Variants in TMEM117 observed in about 807,000 individuals in gnomAD.
TMEM117 encodes transmembrane protein 117.
TMEM117 carries 27 observed loss-of-function variants against 52.4 expected under a neutral mutation model. The observed-to-expected ratio is 0.51, with a 90% CI of 0.38 to 0.71. The LOEUF is 0.71. Ranked by LOEUF, TMEM117 falls within the 30% of genes least tolerant of loss-of-function variation. The probability of loss-of-function intolerance (pLI) is 0.00; values close to 1 mark genes in which losing one functional copy is unlikely to be tolerated. For synonymous variants in TMEM117, 215 were observed against 206.3 expected, an observed-to-expected ratio of 1.04 and a Z score of -0.36; for missense variants, 556 against 630.5, an observed-to-expected ratio of 0.88 and a Z score of 1.26.
intron 4 of TMEM117, among the ~76,000 whole-genome samples, chr12:44,170,177 A>G (rs1255089469): frequency 6.6e-6 from 1 of 151,820 alleles, no homozygotes; most frequent in Non-Finnish European, 1.5e-5. Flanking sequence ...CATCATTCTC[A>G]GCAAACTATT....
chr12:44,143,533 T>A lies in TMEM117; in HGVS notation c.419T>A (p.Ile140Asn). 6.2e-7 allele frequency: 1 copy of A among 1,611,750 alleles called. No individual in the cohort carries two copies. The highest frequency in any genetic ancestry group is 8.5e-7 in the Non-Finnish European group (1 of 1,178,226). The stretch of plus-strand genomic sequence containing the variant: ...TGTGTTTGTTTCCACAGAGCATATA[T>A]CATTACAGACTATATGGGCATCCGA... The part of the protein sequence containing the change: ...LLMDGNMGAY[I>N]ITDYMGIRNE... The change falls in exon 4 of 8, where the codon ATC becomes AAC. Residue 140 changes from isoleucine (I) to asparagine (N), a missense_variant. Coordinates refer to ENST00000266534, the MANE Select transcript of TMEM117 (RefSeq NM_032256.3).
At chr12:44,001,015 A>T (rs1257633332) in intron 3 of TMEM117, among the ~76,000 whole-genome samples, 1 of 152,164 alleles carries the variant, frequency 6.6e-6, no homozygotes, top group East Asian at 1.9e-4. Context: ...AGATGGAAGA[A>T]GTGCTAGTTC....
intron 3 of TMEM117, among the ~76,000 whole-genome samples, chr12:44,098,037 T>A (rs1412066766): frequency 1.3e-5 from 2 of 151,926 alleles, no homozygotes; most frequent in Non-Finnish European, 1.5e-5. Context: ...AAGGTCAGCT[T>A]TTGTATAAAA....
chr12:43,811,889 G>T, the TMEM117 span, among the ~76,000 whole-genome samples: 1 of 152,076 alleles, frequency 6.6e-6, no homozygotes, highest in Non-Finnish European at 1.5e-5. Flanking sequence ...AATATGCCTT[G>T]GTTATCAGAT....
the TMEM117 span, chr12:43,806,014 C>G: frequency 6.6e-7 from 1 of 1,524,402 alleles, no homozygotes; most frequent in Non-Finnish European, 8.8e-7. Context: ...TGCAACGTGA[C>G]GGCAGCAGGG....
intron 4 of TMEM117, among the ~76,000 whole-genome samples, chr12:44,145,273 A>AT (rs1226119148): frequency 6.6e-6 from 1 of 152,226 alleles, no homozygotes; most frequent in African/African-American, 2.4e-5. Context: ...GTTTAAAAAA[A>AT]TTTTTTGACA....
At chr12:44,107,833 T>G (rs919020443) in intron 3 of TMEM117, among the ~76,000 whole-genome samples, 5 of 152,134 alleles carry the variant, frequency 3.3e-5, no homozygotes, top group Admixed American at 2.6e-4. Flanking sequence ...TCCACAAAAC[T>G]TTTTGTTTTC....
At chr12:43,930,179 C>T (rs1343965261) in intron 2 of TMEM117, among the ~76,000 whole-genome samples, 1 of 152,028 alleles carries the variant, frequency 6.6e-6, no homozygotes, top group East Asian at 1.9e-4. Flanking sequence ...CTTTGATGTT[C>T]CCTGAATTCT....
the TMEM117 span, among the ~76,000 whole-genome samples, chr12:43,807,653 G>T: frequency 6.6e-6 from 1 of 152,144 alleles, no homozygotes; most frequent in African/African-American, 2.4e-5. Flanking sequence ...AAGTATAGTT[G>T]AGCAAAATAT....
chr12:43,890,692 C>T (rs560994101), intron 2 of TMEM117, among the ~76,000 whole-genome samples: 16 of 152,154 alleles, frequency 1.1e-4, no homozygotes, highest in East Asian at 5.8e-4. Context: ...CCACCACACC[C>T]GGCTAGTTTT....
chr12:44,012,563 G>A (rs1242053678), intron 3 of TMEM117, among the ~76,000 whole-genome samples: 1 of 150,126 alleles, frequency 6.7e-6, no homozygotes, highest in Non-Finnish European at 1.5e-5. Flanking sequence ...TAAAAGTTCC[G>A]ATATTTTTTT....
chr12:44,314,807 T>C (rs185592149), intron 6 of TMEM117, among the ~76,000 whole-genome samples: 1 of 152,258 alleles, frequency 6.6e-6, no homozygotes, highest in Admixed American at 6.5e-5. Context: ...CCTCCTCCAT[T>C]TTTTGAAATA....
the TMEM117 span, among the ~76,000 whole-genome samples, chr12:43,808,812 GAAA>G: frequency 0.075 from 6,091 of 80,760 alleles, 154 homozygotes; most frequent in Middle Eastern, 0.19. Context: ...TCAAAGGGGA[GAAA>G]AAAAAAAAAA....
chr12:44,275,767 A>G (rs558173754), intron 5 of TMEM117, among the ~76,000 whole-genome samples: 2 of 151,978 alleles, frequency 1.3e-5, no homozygotes, highest in South Asian at 2.1e-4. Flanking sequence ...ACTCATGGAC[A>G]TAGAGAGTAG....
intron 5 of TMEM117, among the ~76,000 whole-genome samples, chr12:44,214,202 G>A (rs1036971106): frequency 2.9e-4 from 32 of 109,648 alleles, no homozygotes; most frequent in Non-Finnish European, 4.9e-4. Flanking sequence ...GCTGGAGTGC[G>A]TGGCACAGTC....
intron 2 of TMEM117, among the ~76,000 whole-genome samples, chr12:43,850,872 G>A (rs73096944): frequency 1.5e-4 from 23 of 150,588 alleles, no homozygotes; most frequent in African/African-American, 4.9e-4. Flanking sequence ...GATGATGATG[G>A]TGATGATGAT....
At chr12:43,869,735 A>T (rs1030346944) in intron 2 of TMEM117, among the ~76,000 whole-genome samples, 3 of 151,866 alleles carry the variant, frequency 2.0e-5, no homozygotes, top group Non-Finnish European at 4.4e-5. Context: ...GGATCTCTAC[A>T]TTTTTTTTAA....
At chr12:44,249,018 T>G (rs1950165404) in intron 5 of TMEM117, 1 of 152,324 alleles carries the variant, frequency 6.6e-6, no homozygotes, top group Non-Finnish European at 1.5e-5. Context: ...ATTAGTTCTG[T>G]TCTGCAAGTT....
At chr12:44,361,979 C>A (rs752623912) in intron 6 of TMEM117, among the ~76,000 whole-genome samples, 1 of 152,152 alleles carries the variant, frequency 6.6e-6, no homozygotes, top group Non-Finnish European at 1.5e-5. Flanking sequence ...TCTAGCAGAG[C>A]ACTGGCATGA....
Sources: allele counts gnomAD v4.1 joint callset (sites outside exome capture counted in the v4.1 genomes callset), GRCh38; gene constraint gnomAD v4.1.1; transcripts MANE v1.5; gene names NCBI Gene and HGNC (gene_info 2026-07-23, HGNC 2026-07-21).